The following KLRG2 variants were observed in gnomAD, a reference collection of about 807,000 sequenced individuals.
KLRG2 encodes killer cell lectin-like receptor subfamily G member 2.
A neutral mutation model predicts 35.4 loss-of-function variants in KLRG2; 39 were observed. The ratio of observed to expected loss-of-function variants is 1.10; its 90% CI spans 0.85 to 1.44. The LOEUF (loss-of-function observed/expected upper bound fraction) is 1.44, where lower values mean the gene tolerates loss of function less well. KLRG2 is among the 40% of genes most tolerant of loss of function. The pLI, the probability that KLRG2 is intolerant of heterozygous loss-of-function variation, is 0.00. For synonymous variants in KLRG2, 283 were observed against 265.8 expected (o/e 1.06, Z -0.63); for missense variants, 632 against 570.9 (o/e 1.11, Z -1.09).
At chr7:139,449,825 G>A (rs112548943), downstream of KLRG2, among the ~76,000 whole-genome samples, 3 of 146,198 alleles carry the variant, frequency 2.1e-5, no homozygotes, top group South Asian at 2.2e-4. Context: ...TCAGCCTCCC[G>A]AGTAGCTGGG....
downstream of KLRG2, among the ~76,000 whole-genome samples, chr7:139,449,582 C>G (rs185309953): frequency 5.7e-4 from 77 of 134,494 alleles, no homozygotes; most frequent in African/African-American, 2.6e-3. Flanking sequence ...TCTTAGCTTA[C>G]TGTAACTTCA....
chr7:139,464,992 T>C (rs1796627066), intron 3 of KLRG2, among the ~76,000 whole-genome samples: 1 of 152,236 alleles, frequency 6.6e-6, no homozygotes, highest in East Asian at 1.9e-4. Flanking sequence ...GCCTCCCACA[T>C]TATTCCTGAT....
chr7:139,458,403 GAA>G (rs1315063137), intron 3 of KLRG2, among the ~76,000 whole-genome samples: 1 of 151,538 alleles, frequency 6.6e-6, no homozygotes, highest in Non-Finnish European at 1.5e-5. Flanking sequence ...AAGAAAGAAA[GAA>G]AAAGTTTAAT....
chr7:139,482,867 G>T lies in KLRG2; in HGVS notation c.757+19C>A. 1.4e-6 allele frequency: 2 copies of T among 1,385,912 alleles called. No individual in the cohort carries two copies. Among genetic ancestry groups the T allele is most frequent in the Non-Finnish European group, 1.9e-6 (2 of 1,075,572 alleles). The allele number at this position is 1,385,912 out of a possible 1,614,324, so 85.9% of individuals were successfully genotyped here. On this transcript the variant is annotated intron_variant, in intron 1 of 4. Coordinates refer to ENST00000340940, the MANE Select transcript of KLRG2 (RefSeq NM_198508.4). ...ACCCGACCTGGCGGCGTCGGCTGCCGGCGCAGGTGAGCACTCACCCGTAAG... is the reference window on the plus strand; with the variant it reads ...ACCCGACCTGGCGGCGTCGGCTGCCTGCGCAGGTGAGCACTCACCCGTAAG...
chr7:139,430,337 G>A, the KLRG2 span, among the ~76,000 whole-genome samples: 1 of 152,098 alleles, frequency 6.6e-6, no homozygotes, highest in African/African-American at 2.4e-5. Context: ...GGGAGGCAGA[G>A]GTTGTGGTGA....
chr7:139,455,344 CAG>C (rs1475009173), intron 3 of KLRG2, among the ~76,000 whole-genome samples: 2 of 112,006 alleles, frequency 1.8e-5, no homozygotes, highest in African/African-American at 3.5e-5. Context: ...TTTTTTGAGA[CAG>C]AGTCTCGCTC....
At chr7:139,432,544 A>AC in the KLRG2 span, among the ~76,000 whole-genome samples, 28,309 of 100,410 alleles carry the variant, frequency 0.28, 3,805 homozygotes, top group African/African-American at 0.4. Context: ...TGATTGCAGG[A>AC]CCCCCCCCCC....
At chr7:139,472,087 C>A (rs1007033426) in intron 3 of KLRG2, among the ~76,000 whole-genome samples, 1 of 152,150 alleles carries the variant, frequency 6.6e-6, no homozygotes, top group Non-Finnish European at 1.5e-5. Context: ...CAGGAACAAT[C>A]CCAGAAGAAA....
At chr7:139,431,842 G>T in the KLRG2 span, among the ~76,000 whole-genome samples, 1 of 152,064 alleles carries the variant, frequency 6.6e-6, no homozygotes, top group South Asian at 2.1e-4. Flanking sequence ...AAACTCATGA[G>T]AATTTACCTT....
the KLRG2 span, among the ~76,000 whole-genome samples, chr7:139,440,411 CTTTTTTTTT>C: frequency 2.0e-4 from 8 of 40,512 alleles, no homozygotes; most frequent in Non-Finnish European, 2.5e-4. Context: ...CCACACCTGG[CTTTTTTTTT>C]TTTTTTTTTT....
intron 3 of KLRG2, among the ~76,000 whole-genome samples, chr7:139,466,740 T>TAAAATAA (rs1554404144): frequency 2.2e-5 from 3 of 138,482 alleles, no homozygotes; most frequent in African/African-American, 8.0e-5. Flanking sequence ...CTGCTAAAAA[T>TAAAATAA]AAAATAAAAA....
chr7:139,483,638 T>G lies in KLRG2; in HGVS notation c.5A>C (p.Glu2Ala). The G allele has an allele frequency of 6.6e-7, 1 of 1,517,978 alleles. No individual in the cohort carries two copies. The highest frequency in any genetic ancestry group is 1.4e-5 in the African/African-American group (1 of 70,654). 94.0% of individuals were successfully genotyped at this position (1,517,978 alleles called of 1,614,324 possible). A position where few individuals can be genotyped will look rare whatever the true frequency, so the allele number is the denominator to read the frequency against. ...TCCGGGCGCAGCCTCCCAAGACTCC[T>G]CCATCCCGCGCGCCCCGCCACCCGG... Reference protein sequence around the residue: MEESWEAAPGGQ... With the variant: MAESWEAAPGGQ... Residue 2 changes from glutamate (E) to alanine (A), a missense_variant, in exon 1 of 5, where the codon GAG becomes GCG. Glu to Ala is a moderately radical substitution (Grantham distance 107). Transcript: ENST00000340940.
chr7:139,443,146 GTC>G, the KLRG2 span, among the ~76,000 whole-genome samples: 2 of 141,860 alleles, frequency 1.4e-5, no homozygotes, highest in Non-Finnish European at 3.0e-5. Context: ...CCAGGCTGGA[GTC>G]TAGTGGTGTG....
chr7:139,469,550 T>C (rs1031412412), intron 3 of KLRG2, among the ~76,000 whole-genome samples: 6 of 151,966 alleles, frequency 3.9e-5, no homozygotes, highest in African/African-American at 1.5e-4. Flanking sequence ...GGTTCAAGTG[T>C]TCTTCTGCCT....
In KLRG2 at chr7:139,453,693, C is replaced by A. The variant is rs1176547022; in HGVS notation, c.1124G>T (p.Gly375Val). 6.2e-7 allele frequency: 1 copy of A among 1,614,002 alleles called. No homozygotes were observed. The highest frequency in any genetic ancestry group is 8.5e-7 in the Non-Finnish European group (1 of 1,180,032). ...ACAGTTGATATCCAGATTGTCCTCG[C>A]CGTCCTCAGGGAGTCTGGGAAAGGA... is the stretch of plus-strand genomic sequence containing the variant. The part of the protein sequence containing the change: ...PLPPQLLPED[G>V]EDNLDINCGA... Residue 375 changes from glycine to valine, a missense_variant, in exon 5 of 5, where the codon GGC (glycine) becomes GTC (valine). Coordinates refer to ENST00000340940, the MANE Select transcript of KLRG2 (RefSeq NM_198508.4).
rs1796423333 is a variant in KLRG2 at position 139,454,316 on chromosome 7, C to G, written c.1006-102G>C. The G allele has an allele frequency of 1.9e-5, 13 of 674,810 alleles. No individual in the cohort carries two copies. In the South Asian group the frequency reaches 2.1e-4, roughly 11 times the overall value. The allele number at this position is 674,810 out of a possible 1,614,324, so 41.8% of individuals were successfully genotyped here. ...TTCCACAGGATCCCAGCTGGCCAAT[C>G]CAGAAGGATCTGCTCAAGCCAGCAC... On this transcript the variant is annotated intron_variant, in intron 3 of 4. Coordinates refer to ENST00000340940, the MANE Select transcript of KLRG2 (RefSeq NM_198508.4).
At position 139,483,328 on chromosome 7, in the gene KLRG2, C is replaced by T. The variant is rs973329108; in HGVS notation, c.315G>A (p.Arg105=). ...SPGPALVKLP[R]NGEAPGAEPA... ...GCTCAGCCCCGGGCGCCTCGCCATT[C>T]CGGGGCAGCTTGACCAAGGCAGGGC... Residue 105 remains arginine, a synonymous_variant, in exon 1 of 5, where the codon CGG becomes CGA. Coordinates refer to ENST00000340940, the MANE Select transcript of KLRG2 (RefSeq NM_198508.4). The T allele has an allele frequency of 5.8e-6, 9 of 1,546,682 alleles. No individual in the cohort carries two copies. In the East Asian group the frequency reaches 1.0e-4, roughly 17 times the overall value.
chr7:139,456,829 T>C (rs1022582034), intron 3 of KLRG2, among the ~76,000 whole-genome samples: 12 of 152,166 alleles, frequency 7.9e-5, no homozygotes, highest in African/African-American at 2.7e-4. Context: ...CCTGTATTAG[T>C]TGGTGAACCT....
At chr7:139,467,999 T>C (rs1585170777) in intron 3 of KLRG2, among the ~76,000 whole-genome samples, 1 of 152,184 alleles carries the variant, frequency 6.6e-6, no homozygotes, top group Non-Finnish European at 1.5e-5. Context: ...GGGCTGGAGG[T>C]GGGACATGCG....
Sources: allele counts gnomAD v4.1 joint callset (sites outside exome capture counted in the v4.1 genomes callset), GRCh38; gene constraint gnomAD v4.1.1; transcripts MANE v1.5; gene names NCBI Gene and HGNC (gene_info 2026-07-23, HGNC 2026-07-21).